The following DNAH12 variants were observed in gnomAD, a reference collection of about 807,000 sequenced individuals.
The protein encoded by DNAH12 is axonemal beta dynein heavy chain 12.
DNAH12 carries 285 observed loss-of-function variants against 371.5 expected under a neutral mutation model. The observed-to-expected ratio is 0.77, with a 90% CI of 0.70 to 0.85. DNAH12 has a LOEUF of 0.85. Among genes scored for constraint, DNAH12 ranks in the 40% least tolerant of loss-of-function variants. The pLI is 0.00. For missense variants in DNAH12, 3,611 were observed against 3,689.4 expected (o/e 0.98, Z 0.55); for synonymous variants, 1,200 against 1,213.0 (o/e 0.99, Z 0.22).
At position 57,425,129 on chromosome 3, in the gene DNAH12, T is replaced by C. The variant is rs1377447322; in HGVS notation, c.5266A>G (p.Thr1756Ala). The C allele has an allele frequency of 1.4e-6, 1 of 702,262 alleles. No homozygotes were observed. The highest frequency in any genetic ancestry group is 1.5e-5 in the South Asian group (1 of 67,336). 43.5% of individuals were successfully genotyped at this position (702,262 alleles called of 1,614,324 possible). A position where few individuals can be genotyped will look rare whatever the true frequency, so the allele number is the denominator to read the frequency against. Residue 1756 changes from threonine to alanine, a missense_variant, in exon 35 of 74, where the codon ACA becomes GCA. This residue lies in a region of DNAH12 where 2,266 missense variants were observed against 2,236.9 expected (regional missense o/e 1.01). Coordinates refer to ENST00000495027, the MANE Select transcript of DNAH12 (RefSeq NM_001366028.2). ...RKKKCKELIP[T>A]SNSNVVVSLT... ...GATACAACCACGTTGCTGTTGCTTG[T>C]AGGAATCAGTTCCTGCAAGGTGAAA...
chr3:57,477,386 C>T (rs982088509), intron 13 of DNAH12, among the ~76,000 whole-genome samples: 46 of 152,168 alleles, frequency 3.0e-4, no homozygotes, highest in African/African-American at 1.1e-3. Context: ...GAGGGGCGCC[C>T]GCCATTGCCG....
intron 13 of DNAH12, among the ~76,000 whole-genome samples, chr3:57,475,710 CT>C (rs550089633): frequency 1.4e-3 from 209 of 152,276 alleles, no homozygotes; most frequent in African/African-American, 4.8e-3. Flanking sequence ...AAATTCATTT[CT>C]TTTTAGGAAA....
intron 32 of DNAH12, 54 bp from the exon 33 acceptor site, chr3:57,429,828 A>G: frequency 2.9e-6 from 4 of 1,394,374 alleles, no homozygotes; most frequent in Non-Finnish European, 3.8e-6. Flanking sequence ...AGTTTCTCAG[A>G]TAAAAATTTA....
Position 57,383,788 on chromosome 3 carries a change from GA to G in DNAH12, c.7860+1040del, listed in dbSNP as rs1201922176. ...AAAAAAAAAAAAGGAGAAAAGAAAA[GA>G]AAAAAAGTACTGAGAGCATGAAGAA... On this transcript the variant is annotated intron_variant, in intron 49 of 73. Coordinates refer to ENST00000495027, the MANE Select transcript of DNAH12 (RefSeq NM_001366028.2). 2.0e-5 allele frequency among the ~76,000 whole-genome samples: 3 copies of G among 148,284 alleles called. No individual in the cohort carries two copies. The East Asian group carries it at 5.9e-4, about 29-fold the overall frequency.
chr3:57,392,987 G>A (rs1374615207), intron 44 of DNAH12, among the ~76,000 whole-genome samples: 1 of 152,036 alleles, frequency 6.6e-6, no homozygotes, highest in Admixed American at 6.5e-5. Flanking sequence ...AAGAACATGG[G>A]TTTTTGTTGT....
chr3:57,404,555 A>G (rs1450031080), intron 42 of DNAH12, among the ~76,000 whole-genome samples: 1 of 151,980 alleles, frequency 6.6e-6, no homozygotes, highest in East Asian at 1.9e-4. Flanking sequence ...ATCTCTACTA[A>G]AAATACAAAA....
intron 2 of DNAH12, 115 bp from the exon 3 acceptor site, chr3:57,523,999 C>G: frequency 1.6e-6 from 1 of 642,546 alleles, no homozygotes; most frequent in Non-Finnish European, 2.3e-6. Flanking sequence ...AGTTATCTTA[C>G]TGAATTTTTT....
rs1436169603 is a variant in DNAH12 at position 57,385,001 on chromosome 3, A to C, written c.7688T>G (p.Ile2563Ser). ...KIENANMMQV[I>S]EIESVQVEAK... ...TTCCACTTGTACAGACTCTATCTCA[A>C]TAACCTAAAGAGGTGAAAGATGAAG... The change falls in exon 49 of 74, where the codon ATT becomes AGT. Residue 2563 changes from isoleucine to serine, a missense_variant. Around this residue, in one of 3 missense-constraint regions of DNAH12, gnomAD observed 2,266 missense variants for 2,236.9 expected, o/e 1.01. Transcript: ENST00000495027. The C allele has an allele frequency of 6.6e-6, 1 of 152,222 alleles. No homozygotes were observed. Among genetic ancestry groups the C allele is most frequent in the Non-Finnish European group, 1.5e-5 (1 of 68,034 alleles). The allele number at this position is 152,222 out of a possible 1,614,324, so 9.4% of individuals were successfully genotyped here. A position where few individuals can be genotyped will look rare whatever the true frequency, so the allele number is the denominator to read the frequency against.
At position 57,428,810 on chromosome 3, in the gene DNAH12, T is replaced by C; in HGVS notation, c.5076A>G (p.Val1692=). 1 of 1,530,448 alleles carries C rather than the reference T, an allele frequency of 6.5e-7. No individual in the cohort carries two copies. Among genetic ancestry groups the C allele is most frequent in the East Asian group, 2.5e-5 (1 of 40,700 alleles). The allele number at this position is 1,530,448 out of a possible 1,614,324, so 94.8% of individuals were successfully genotyped here. A position where few individuals can be genotyped will look rare whatever the true frequency, so the allele number is the denominator to read the frequency against. ...CCAAATAAATCATACCACAACGACT[T>C]ACAGTGGCAGGCTAGAGAAAAAAGG... is the stretch of plus-strand genomic sequence containing the variant. ...MDLSQASPAT[V]SRCGMIYLEP... is the part of the protein sequence containing the mutation. The change falls in exon 34 of 74, where the codon GTA becomes GTG. Residue 1692 remains valine (V), a synonymous_variant. Coordinates refer to ENST00000495027, the MANE Select transcript of DNAH12 (RefSeq NM_001366028.2).
intron 43 of DNAH12, among the ~76,000 whole-genome samples, chr3:57,395,029 C>G (rs1266861113): frequency 6.6e-6 from 1 of 151,976 alleles, no homozygotes; most frequent in Non-Finnish European, 1.5e-5. Flanking sequence ...TATAAACTTG[C>G]AATTATATAA....
intron 2 of DNAH12, among the ~76,000 whole-genome samples, chr3:57,531,357 T>A (rs2153400387): frequency 6.6e-6 from 1 of 152,338 alleles, no homozygotes; most frequent in Middle Eastern, 3.4e-3. Flanking sequence ...TTGTAAGGTT[T>A]CCACTGAAGT....
chr3:57,522,917 A>G (rs1464722012), intron 4 of DNAH12, among the ~76,000 whole-genome samples: 3 of 151,940 alleles, frequency 2.0e-5, no homozygotes, highest in African/African-American at 4.8e-5. Context: ...CTGAGTGGCT[A>G]CTATATCATT....
chr3:57,355,660 A>G (rs1322702651), intron 59 of DNAH12, among the ~76,000 whole-genome samples: 3 of 152,180 alleles, frequency 2.0e-5, no homozygotes, highest in Admixed American at 1.3e-4. Context: ...GAGGGTTCCA[A>G]TTACTCCACA....
At chr3:57,499,647 A>AAATATATATATAT (rs1451248906) in intron 11 of DNAH12, among the ~76,000 whole-genome samples, 37 of 17,948 alleles carry the variant, frequency 2.1e-3, no homozygotes, top group Non-Finnish European at 3.5e-3. Flanking sequence ...AAAAAAAAAA[A>AAATATATATATAT]ATATATATAT....
Position 57,446,146 on chromosome 3 carries a change from TTC to T in DNAH12, c.4062_4063del (p.Lys1355ValfsTer7). Reference sequence around the variant, plus strand: ...CCCTTCAAAAACAAACACAACCAACTTCTGTTGAATAGCTCTCTGAATGCAAA... The same window carrying T: ...CCCTTCAAAAACAAACACAACCAACTTGTTGAATAGCTCTCTGAATGCAAA... On this transcript the variant is annotated frameshift_variant, in exon 27 of 74. Coordinates refer to ENST00000495027, the MANE Select transcript of DNAH12 (RefSeq NM_001366028.2). LOFTEE classifies it high-confidence loss of function. 6.4e-7 allele frequency: 1 copy of T among 1,551,680 alleles called. No homozygotes were observed. The highest frequency in any genetic ancestry group is 8.7e-7 in the Non-Finnish European group (1 of 1,146,998).
In DNAH12 at chr3:57,409,442, C is replaced by T. The variant is rs535841092; in HGVS notation, c.6021-907G>A. Among the ~76,000 whole-genome samples, 11 of 152,012 alleles carry T rather than the reference C, an allele frequency of 7.2e-5. No individual in the cohort carries two copies. The East Asian group carries it at 1.5e-3, about 21-fold the overall frequency. Reference sequence around the variant, plus strand: ...AAAGCCAATAAAACGAATGAGTAGACAAATATGCACTGATATGGCTATTTG... The same window carrying T: ...AAAGCCAATAAAACGAATGAGTAGATAAATATGCACTGATATGGCTATTTG... On this transcript the variant is annotated intron_variant, in intron 39 of 73. Transcript: ENST00000495027.
At position 57,484,030 on chromosome 3, in the gene DNAH12, A is replaced by C. The variant is rs72869856; in HGVS notation, c.1515-519T>G. ...TCAACAAAACCTACAAAATTAAGGT[A>C]ATATTTACATGCAAAATTATGGCAT... On this transcript the variant is annotated intron_variant, in intron 12 of 73. Coordinates refer to ENST00000495027, the MANE Select transcript of DNAH12 (RefSeq NM_001366028.2). 7.8e-3 allele frequency among the ~76,000 whole-genome samples: 1,185 copies of C among 151,624 alleles called. 14 individuals carry two copies. Among genetic ancestry groups the C allele is most frequent in the African/African-American group, 0.027 (1,106 of 41,364 alleles).
At chr3:57,417,393 T>C (rs143529375) in intron 37 of DNAH12, among the ~76,000 whole-genome samples, 178 of 152,278 alleles carry the variant, frequency 1.2e-3, no homozygotes, top group African/African-American at 4.0e-3. Flanking sequence ...GAACACAAAA[T>C]TAAAGTTCTT....
chr3:57,366,573 A>G (rs1575508844), intron 57 of DNAH12, among the ~76,000 whole-genome samples, 156 bp downstream of exon 57: 6 of 152,180 alleles, frequency 3.9e-5, no homozygotes, highest in African/African-American at 1.4e-4. Context: ...CTTATAACTT[A>G]CTTGTTACAG....
Sources: gnomAD v4.1 joint callset for allele counts (sites outside exome capture counted in the v4.1 genomes callset) on GRCh38, gnomAD v4.1.1 for gene constraint, gnomAD v4.1.1 regional missense constraint, MANE v1.5 for transcripts, NCBI Gene and HGNC (gene_info 2026-07-23, HGNC 2026-07-21) for gene names.